PTPN9: variants seen among roughly 807,000 people sequenced by gnomAD.
PTPN9 encodes tyrosine-protein phosphatase non-receptor type 9.
In PTPN9, 26 loss-of-function variants were observed where a neutral mutation model predicts 69.8. The observed-to-expected ratio is 0.37, with a 90% CI of 0.27 to 0.52. PTPN9 has a LOEUF of 0.52. PTPN9 is among the 20% of genes least tolerant of loss of function. PTPN9 has a pLI of 0.91. For missense variants in PTPN9, 549 were observed against 740.3 expected, an observed-to-expected ratio of 0.74 and a Z score of 3.00; for synonymous variants, 274 against 272.5, an observed-to-expected ratio of 1.01 and a Z score of -0.05.
chr15:75,525,269 T>G (rs1313938193), intron 2 of PTPN9, among the ~76,000 whole-genome samples: 1 of 151,834 alleles, frequency 6.6e-6, no homozygotes, highest in Non-Finnish European at 1.5e-5. Context: ...GGCATGATCT[T>G]GGCTCACTGC....
intron 1 of PTPN9, among the ~76,000 whole-genome samples, chr15:75,548,212 C>T (rs2075042385): frequency 6.6e-6 from 1 of 151,778 alleles, no homozygotes; most frequent in Admixed American, 6.6e-5. Context: ...ACAGTGCTTT[C>T]AAAATGCAGA....
intron 1 of PTPN9, among the ~76,000 whole-genome samples, chr15:75,532,551 G>C (rs2074968161): frequency 6.6e-6 from 1 of 152,090 alleles, no homozygotes; most frequent in African/African-American, 2.4e-5. Context: ...ATGTTCTGTA[G>C]CTCCCAAGAG....
chr15:75,500,952 A>G (rs1353168424), intron 7 of PTPN9, among the ~76,000 whole-genome samples: 1 of 152,056 alleles, frequency 6.6e-6, no homozygotes, highest in Non-Finnish European at 1.5e-5. Flanking sequence ...TTAAATAAAA[A>G]TAGGGGTCTG....
At chr15:75,516,384 A>G (rs1416879355) in intron 5 of PTPN9, among the ~76,000 whole-genome samples, 1 of 150,656 alleles carries the variant, frequency 6.6e-6, no homozygotes, top group Non-Finnish European at 1.5e-5. Flanking sequence ...GCTCACTGCA[A>G]GCTCCGCCTC....
chr15:75,573,758 T>G (rs1308181880), intron 1 of PTPN9, among the ~76,000 whole-genome samples: 2 of 152,172 alleles, frequency 1.3e-5, no homozygotes, highest in Non-Finnish European at 2.9e-5. Flanking sequence ...AAAGCGAAAA[T>G]AATCCCAACC....
At position 75,465,060 on chromosome 15, in the gene PTPN9, T is replaced by C. The variant is rs2074531249; in HGVS notation, c.*3709A>G. On this transcript the variant is annotated 3_prime_UTR_variant, in exon 13 of 13. Transcript: ENST00000618819. The stretch of plus-strand genomic sequence containing the variant: ...TCAAATCAGAAGCAGAAGCCTGCTT[T>C]AGCTCAGTGTTTTCTTCTTTCCTGA... The C allele has an allele frequency of 6.6e-6, 1 of 152,248 alleles. No individual in the cohort carries two copies. Among genetic ancestry groups the C allele is most frequent in the Non-Finnish European group, 1.5e-5 (1 of 68,044 alleles). The allele number at this position is 152,248 out of a possible 1,614,324, so 9.4% of individuals were successfully genotyped here.
chr15:75,578,473 G>A (rs1391448181), intron 1 of PTPN9, among the ~76,000 whole-genome samples: 1 of 152,222 alleles, frequency 6.6e-6, no homozygotes, highest in African/African-American at 2.4e-5. Flanking sequence ...GGAGGGCACC[G>A]TCTGAGGCTG....
rs1049288274 is a variant in PTPN9, at chr15:75,507,262, G to A, written c.640-1259C>T. On this transcript the variant is annotated intron_variant, in intron 6 of 12. Transcript: ENST00000618819. ...AGTTTGAGACCAGCCTGTCCAACAT[G>A]GTGAAACCCCATCTCTACTAAAAAA... Among the ~76,000 whole-genome samples, 5 of 151,230 alleles carry A rather than the reference G, an allele frequency of 3.3e-5. No individual in the cohort carries two copies. The South Asian group carries it at 1.0e-3, about 32-fold the overall frequency.
At chr15:75,541,387 TTTATTATTA>T (rs991681305) in intron 1 of PTPN9, among the ~76,000 whole-genome samples, 2 of 150,658 alleles carry the variant, frequency 1.3e-5, no homozygotes, top group Non-Finnish European at 3.0e-5. Context: ...CTGCCCTCAT[TTTATTATTA>T]TTATTATTAA....
intron 1 of PTPN9, 70 bp downstream of exon 1, chr15:75,578,643 CG>C: frequency 8.3e-7 from 1 of 1,200,640 alleles, no homozygotes; most frequent in Non-Finnish European, 1.1e-6. Context: ...AGCCGGCACT[CG>C]GGAGGCAGAG....
intron 1 of PTPN9, among the ~76,000 whole-genome samples, chr15:75,568,329 C>A (rs952578085): frequency 6.7e-6 from 1 of 149,390 alleles, no homozygotes; most frequent in Non-Finnish European, 1.5e-5. Context: ...CCTGTCTCTA[C>A]AACAAATAAA....
chr15:75,579,127 G>C lies in PTPN9; in HGVS notation c.-351C>G. 6.3e-6 allele frequency: 1 copy of C among 157,706 alleles called. No homozygotes were observed. Among genetic ancestry groups the C allele is most frequent in the Non-Finnish European group, 1.4e-5 (1 of 71,718 alleles). The allele number at this position is 157,706 out of a possible 1,614,324, so 9.8% of individuals were successfully genotyped here. On this transcript the variant is annotated 5_prime_UTR_variant, in exon 1 of 13. Coordinates refer to ENST00000618819, the MANE Select transcript of PTPN9 (RefSeq NM_002833.4). ...ATCAGGAACTTTTAGAGCCGGGAGC[G>C]AAGGGTCGGCGGAAATTTCCCGAAG...
intron 8 of PTPN9, among the ~76,000 whole-genome samples, chr15:75,489,174 CAAAAAA>C (rs35540489): frequency 7.8e-5 from 5 of 64,236 alleles, no homozygotes; most frequent in African/African-American, 2.3e-4. Flanking sequence ...GACTCCGTCT[CAAAAAA>C]AAAAAAAAAA....
At position 75,466,800 on chromosome 15, in the gene PTPN9, T is replaced by C. The variant is rs1391026206; in HGVS notation, c.*1969A>G. The C allele has an allele frequency of 6.6e-6, 1 of 152,142 alleles. No individual in the cohort carries two copies. The highest frequency in any genetic ancestry group is 1.5e-5 in the Non-Finnish European group (1 of 68,044). 9.4% of individuals were successfully genotyped at this position (152,142 alleles called of 1,614,324 possible). A position where few individuals can be genotyped will look rare whatever the true frequency, so the allele number is the denominator to read the frequency against. On this transcript the variant is annotated 3_prime_UTR_variant, in exon 13 of 13. Transcript: ENST00000618819. Reference sequence around the variant, plus strand: ...AACCCTCTGGACCTCACCTTCCTCATCTATATAGAAATGAGAAAGGGGTGC... The same window carrying C: ...AACCCTCTGGACCTCACCTTCCTCACCTATATAGAAATGAGAAAGGGGTGC...
At chr15:75,504,141 C>G (rs2074797353) in intron 7 of PTPN9, among the ~76,000 whole-genome samples, 1 of 124,932 alleles carries the variant, frequency 8.0e-6, no homozygotes, top group Non-Finnish European at 1.7e-5. Context: ...AGGTCAGCCC[C>G]CCGCCCGGAC....
chr15:75,561,172 C>T (rs939908994), intron 1 of PTPN9, among the ~76,000 whole-genome samples: 29 of 147,072 alleles, frequency 2.0e-4, no homozygotes, highest in African/African-American at 6.8e-4. Flanking sequence ...AAAATTAGCC[C>T]GGCACGGTGG....
In PTPN9 at chr15:75,504,213, G is replaced by A. The variant is rs1385856114; in HGVS notation, c.968+1462C>T. Among the ~76,000 whole-genome samples, 4 of 122,930 alleles carry A rather than the reference G, an allele frequency of 3.3e-5. No homozygotes were observed. In the East Asian group the frequency reaches 7.6e-4, roughly 23 times the overall value. The allele number at this position is 122,930 out of a possible 152,430, so 80.6% of individuals were successfully genotyped here. On this transcript the variant is annotated intron_variant, in intron 7 of 12. Coordinates refer to ENST00000618819, the MANE Select transcript of PTPN9 (RefSeq NM_002833.4). ...CCCATGTCCGGGAGGGAGGTCGGGG[G>A]GGTCAGCCCCCCGCCCGGCCAGCCG... is the stretch of plus-strand genomic sequence containing the variant.
intron 1 of PTPN9, among the ~76,000 whole-genome samples, chr15:75,532,199 C>T (rs568076818): frequency 4.3e-4 from 66 of 152,102 alleles, no homozygotes; most frequent in Non-Finnish European, 7.1e-4. Flanking sequence ...GGGTTCGAGA[C>T]CAGCCTGGCC....
chr15:75,508,153 T>G (rs2074829773), intron 6 of PTPN9, among the ~76,000 whole-genome samples: 1 of 152,096 alleles, frequency 6.6e-6, no homozygotes, highest in African/African-American at 2.4e-5. Context: ...GTCTTTTAAT[T>G]GCTGCAATCA....
Sources: allele counts gnomAD v4.1 joint callset (sites outside exome capture counted in the v4.1 genomes callset), GRCh38; gene constraint gnomAD v4.1.1; transcripts MANE v1.5; gene names NCBI Gene and HGNC (gene_info 2026-07-23, HGNC 2026-07-21).